KIRREL1: variants seen among roughly 807,000 people sequenced by gnomAD.
KIRREL1 encodes the protein kirre like nephrin family adhesion molecule 1.
Under a neutral mutation model 83.3 loss-of-function variants are expected in KIRREL1, and 25 were observed. That is an observed-to-expected ratio of 0.30 (90% CI 0.22 to 0.42). The LOEUF (loss-of-function observed/expected upper bound fraction) is 0.42, where lower values mean the gene tolerates loss of function less well. Ranked by LOEUF, KIRREL1 falls within the 10% of genes least tolerant of loss-of-function variation. The pLI is 1.00. For synonymous variants in KIRREL1, 388 were observed against 410.4 expected (o/e 0.95, Z 0.66); for missense variants, 812 against 1,032.3 (o/e 0.79, Z 2.92).
At position 158,094,240 on chromosome 1, in the gene KIRREL1, T is replaced by G; in HGVS notation, c.1720-73T>G. The G allele has an allele frequency of 3.1e-6, 4 of 1,301,382 alleles. No homozygotes were observed. Among genetic ancestry groups the G allele is most frequent in the Non-Finnish European group, 3.3e-6 (3 of 917,470 alleles). 80.6% of individuals were successfully genotyped at this position (1,301,382 alleles called of 1,614,324 possible). A position where few individuals can be genotyped will look rare whatever the true frequency, so the allele number is the denominator to read the frequency against. On this transcript the variant is annotated intron_variant, in intron 13 of 14. Transcript: ENST00000359209. The surrounding 1 kb of genome is among the most constrained non-coding windows in gnomAD (Gnocchi z 4.6). ...CCCATGAGCAGGTGGCCTCTGAGCG[T>G]GGGGAGGGGTTGGTGAGGGGCGAAA...
chr1:158,089,518 A>G lies in KIRREL1; in HGVS notation c.1061A>G (p.Asn354Ser), dbSNP rs1570998959. 1 of 1,613,994 alleles carries G rather than the reference A, an allele frequency of 6.2e-7. No individual in the cohort carries two copies. ...KDSNMVLSNS[N>S]QLLLKSVTQA... The stretch of plus-strand genomic sequence containing the variant: ...TCTGCCCAGGTCCTGAGTAACAGCA[A>G]CCAGCTGCTGCTGAAGTCGGTGACT... Residue 354 changes from asparagine (N) to serine (S), a missense_variant, in exon 9 of 15, where the codon AAC (asparagine) becomes AGC (serine). By Grantham distance (46) the Asn-to-Ser change is conservative (BLOSUM62 1). Around this residue, in one of 3 missense-constraint regions of KIRREL1, gnomAD observed 472 missense variants for 626.8 expected, o/e 0.75. Transcript: ENST00000359209.
intron 1 of KIRREL1, among the ~76,000 whole-genome samples, chr1:158,026,686 A>G (rs1204235224): frequency 6.6e-6 from 1 of 150,942 alleles, no homozygotes; most frequent in East Asian, 2.0e-4. Context: ...ATATTTTATC[A>G]TCCCCATTTT....
chr1:158,094,882 C>A lies in KIRREL1; in HGVS notation c.2036C>A (p.Thr679Asn), dbSNP rs1662311773. Residue 679 changes from threonine (T) to asparagine (N), a missense_variant, in exon 15 of 15, where the codon ACC (threonine) becomes AAC (asparagine). Around this residue, in one of 3 missense-constraint regions of KIRREL1, gnomAD observed 334 missense variants for 383.7 expected, o/e 0.87. Transcript: ENST00000359209. This position sits in a 1 kb window ranked among gnomAD's most constrained non-coding sequence, Gnocchi z 4.6. ...GCTGCCCCAGCTGGCACTGACACAA[C>A]CAGCCAGCTGTCCTACGAGAACTAT... is the stretch of plus-strand genomic sequence containing the variant. ...GPAAPAGTDT[T>N]SQLSYENYEK... 2 of 1,614,004 alleles carry A rather than the reference C, an allele frequency of 1.2e-6. No individual in the cohort carries two copies. Among genetic ancestry groups the A allele is most frequent in the Non-Finnish European group, 1.7e-6 (2 of 1,179,938 alleles).
intron 1 of KIRREL1, among the ~76,000 whole-genome samples, chr1:158,006,271 C>A (rs1659517834): frequency 6.6e-6 from 1 of 152,220 alleles, no homozygotes; most frequent in East Asian, 1.9e-4. Context: ...TTAGTACTCT[C>A]TGCTCACTCA....
chr1:158,079,029 C>T (rs1661768605), intron 3 of KIRREL1, among the ~76,000 whole-genome samples: 1 of 152,150 alleles, frequency 6.6e-6, no homozygotes, highest in Non-Finnish European at 1.5e-5. Context: ...TGCCAGTCTT[C>T]CTGTTCTCTC....
chr1:158,024,697 C>A (rs570514229), intron 1 of KIRREL1, among the ~76,000 whole-genome samples: 1 of 152,078 alleles, frequency 6.6e-6, no homozygotes, highest in Non-Finnish European at 1.5e-5. Context: ...GAAAACATAA[C>A]GGTTTATAGA....
rs148569609 is a variant in KIRREL1 at position 158,095,598 on chromosome 1, C to T, written c.*478C>T. On this transcript the variant is annotated 3_prime_UTR_variant, in exon 15 of 15. Transcript: ENST00000359209. ...GGCCAGTCCCTCTGTTGTCTGCATT[C>T]GTGCCCTGGGTGCCTCTCTCCTTCC... is the stretch of plus-strand genomic sequence containing the variant. 1 of 154,986 alleles carries T rather than the reference C, an allele frequency of 6.5e-6. No individual in the cohort carries two copies. Among genetic ancestry groups the T allele is most frequent in the Non-Finnish European group, 1.4e-5 (1 of 70,188 alleles). 9.6% of individuals were successfully genotyped at this position (154,986 alleles called of 1,614,324 possible).
At chr1:158,058,208 G>C (rs1451675474) in intron 1 of KIRREL1, among the ~76,000 whole-genome samples, 1 of 152,162 alleles carries the variant, frequency 6.6e-6, no homozygotes, top group Non-Finnish European at 1.5e-5. Context: ...CACCACCACT[G>C]ACTCAAAGCT....
chr1:158,024,906 AG>A (rs902231166), intron 1 of KIRREL1, among the ~76,000 whole-genome samples: 2 of 152,166 alleles, frequency 1.3e-5, no homozygotes, highest in African/African-American at 2.4e-5. Flanking sequence ...CCCTAAGCTG[AG>A]GAAACCAGAC....
chr1:158,071,255 C>G (rs1255234144), intron 1 of KIRREL1, among the ~76,000 whole-genome samples: 1 of 152,216 alleles, frequency 6.6e-6, no homozygotes, highest in African/African-American at 2.4e-5. Context: ...AGTCTCCTTT[C>G]CCTCCTCGCT....
chr1:158,054,952 A>G (rs7523161), intron 1 of KIRREL1, among the ~76,000 whole-genome samples: 145,652 of 152,178 alleles, frequency 0.96, 70,017 homozygotes, highest in East Asian at 1. Flanking sequence ...TGGGCGGTGC[A>G]TTTTTATTGA....
At chr1:158,085,096 C>G (rs1356954023) in intron 4 of KIRREL1, among the ~76,000 whole-genome samples, 2 of 152,166 alleles carry the variant, frequency 1.3e-5, no homozygotes, top group Non-Finnish European at 1.5e-5. Context: ...GTCATCACAA[C>G]AAAGAGGCTG....
In KIRREL1 at chr1:158,096,522, A is replaced by C. The variant is rs757003812; in HGVS notation, c.*1402A>C. ...CTGTTAAGTGTTACAGTGTTAGGAG[A>C]GAGATGGGTGAGGGGACCTGGAGAG... On this transcript the variant is annotated 3_prime_UTR_variant, in exon 15 of 15. Transcript: ENST00000359209. 4.4e-6 allele frequency: 2 copies of C among 455,338 alleles called. No individual in the cohort carries two copies. The allele number at this position is 455,338 out of a possible 1,614,324, so 28.2% of individuals were successfully genotyped here.
chr1:158,013,938 G>A (rs1571536202), intron 1 of KIRREL1, among the ~76,000 whole-genome samples: 2 of 152,178 alleles, frequency 1.3e-5, no homozygotes, highest in Non-Finnish European at 2.9e-5. Flanking sequence ...GGGACTGTCA[G>A]CAGATCCCCC....
intron 1 of KIRREL1, among the ~76,000 whole-genome samples, chr1:158,065,129 C>T (rs1008844202): frequency 6.6e-6 from 1 of 152,044 alleles, no homozygotes; most frequent in Non-Finnish European, 1.5e-5. Context: ...AGAGAATGCC[C>T]TCCTCACTGT....
chr1:158,080,009 A>G (rs923563572), intron 3 of KIRREL1, among the ~76,000 whole-genome samples: 2 of 152,288 alleles, frequency 1.3e-5, no homozygotes, highest in African/African-American at 2.4e-5. Context: ...ACTAAAATGG[A>G]AAGAATTAGC....
At chr1:158,054,136 C>T (rs567947355) in intron 1 of KIRREL1, among the ~76,000 whole-genome samples, 1 of 140,732 alleles carries the variant, frequency 7.1e-6, no homozygotes, top group South Asian at 2.3e-4. Context: ...TTGCTTGAAG[C>T]TGGGAGGCGG....
chr1:158,070,227 GT>G (rs1044265389), intron 1 of KIRREL1, among the ~76,000 whole-genome samples: 5 of 152,162 alleles, frequency 3.3e-5, no homozygotes, highest in Non-Finnish European at 7.3e-5. Flanking sequence ...TCTCTTCTGG[GT>G]AGAGGTCATG....
intron 1 of KIRREL1, among the ~76,000 whole-genome samples, chr1:158,030,181 G>A (rs1056114952): frequency 9.2e-5 from 14 of 152,118 alleles, no homozygotes; most frequent in Non-Finnish European, 1.8e-4. Flanking sequence ...ACCCCAGCTT[G>A]TTGTATTTCA....
Sources: gnomAD v4.1 joint callset for allele counts (sites outside exome capture counted in the v4.1 genomes callset) on GRCh38, gnomAD v4.1.1 for gene constraint, gnomAD v4.1.1 regional missense constraint, Gnocchi (gnomAD v3.1) non-coding constraint, MANE v1.5 for transcripts, NCBI Gene and HGNC (gene_info 2026-07-23, HGNC 2026-07-21) for gene names.